Variants in TRAK1 observed in about 807,000 individuals in gnomAD.
The protein encoded by TRAK1 is trafficking kinesin protein 1.
A neutral mutation model predicts 92.1 loss-of-function variants in TRAK1; 33 were observed. The observed-to-expected ratio is 0.36, with a 90% CI of 0.27 to 0.48. The LOEUF is 0.48. Among genes scored for constraint, TRAK1 ranks in the 20% least tolerant of loss-of-function variants. The probability of loss-of-function intolerance (pLI) is 0.99; values close to 1 mark genes in which losing one functional copy is unlikely to be tolerated. For synonymous variants in TRAK1, 521 were observed against 517.3 expected (o/e 1.01, Z -0.10); for missense variants, 1,123 against 1,257.9 (o/e 0.89, Z 1.62).
chr3:42,085,088 G>A (rs1352480119), upstream of TRAK1, among the ~76,000 whole-genome samples: 1 of 152,078 alleles, frequency 6.6e-6, no homozygotes, highest in African/African-American at 2.4e-5. Flanking sequence ...GCTCATTGGA[G>A]CATTTCAGAT....
At chr3:42,101,319 C>A (rs1189913592) in intron 1 of TRAK1, among the ~76,000 whole-genome samples, 1 of 152,190 alleles carries the variant, frequency 6.6e-6, no homozygotes, top group African/African-American at 2.4e-5. Flanking sequence ...CCATATTGGG[C>A]AAATAGTGAA....
At chr3:42,197,268 C>A (rs1706861330) in intron 10 of TRAK1, among the ~76,000 whole-genome samples, 1 of 151,980 alleles carries the variant, frequency 6.6e-6, no homozygotes, top group Admixed American at 6.6e-5. Flanking sequence ...CCTGCAGATA[C>A]CAAATCCTTC....
Position 42,091,465 on chromosome 3 carries a change from T to A in TRAK1, c.-5T>A, listed in dbSNP as rs760683923. The stretch of plus-strand genomic sequence containing the variant: ...CTGAAGTGCCTTTGGAGTTTATGTC[T>A]GCACATGGCATTGGTTTTTCAATTC... On this transcript the variant is annotated 5_prime_UTR_variant, in exon 1 of 16. Coordinates refer to ENST00000327628, the MANE Select transcript of TRAK1 (RefSeq NM_001042646.3). 1.2e-6 allele frequency: 2 copies of A among 1,613,472 alleles called. No homozygotes were observed. The highest frequency in any genetic ancestry group is 2.2e-5 in the South Asian group (2 of 90,874).
chr3:42,123,934 G>A (rs1301589035), intron 1 of TRAK1, among the ~76,000 whole-genome samples: 2 of 152,096 alleles, frequency 1.3e-5, no homozygotes, highest in Non-Finnish European at 2.9e-5. Context: ...CGTGAGCCCA[G>A]GAGTTCGAGA....
intron 2 of TRAK1, among the ~76,000 whole-genome samples, chr3:42,140,907 G>A (rs940490529): frequency 3.3e-5 from 5 of 152,184 alleles, no homozygotes; most frequent in African/African-American, 7.2e-5. Flanking sequence ...TTGGGACCTC[G>A]GAGGGCTCTG....
chr3:42,119,068 T>A (rs1015589675), intron 1 of TRAK1, among the ~76,000 whole-genome samples: 2 of 152,230 alleles, frequency 1.3e-5, no homozygotes, highest in Non-Finnish European at 2.9e-5. Flanking sequence ...TCCATCACTC[T>A]TCTCACACTT....
Position 42,199,208 on chromosome 3 carries a change from T to C in TRAK1, c.1145T>C (p.Met382Thr). The C allele has an allele frequency of 6.2e-7, 1 of 1,613,806 alleles. No individual in the cohort carries two copies. Among genetic ancestry groups the C allele is most frequent in the Non-Finnish European group, 8.5e-7 (1 of 1,180,020 alleles). ...TTGGCAGCAGAGATTGAGGGAACGA[T>C]GCGCAAGGAGCTGCAGTTGGAAGAG... ...DSLAAEIEGT[M>T]RKELQLEEAE... Residue 382 changes from methionine (M) to threonine (T), a missense_variant, in exon 11 of 16, where the codon ATG becomes ACG. Met to Thr is a moderately conservative substitution (Grantham distance 81). This residue lies in a region of TRAK1 where 686 missense variants were observed against 747.6 expected (regional missense o/e 0.92). Coordinates refer to ENST00000327628, the MANE Select transcript of TRAK1 (RefSeq NM_001042646.3).
At chr3:42,109,745 A>C (rs1057033296) in intron 1 of TRAK1, among the ~76,000 whole-genome samples, 4 of 152,154 alleles carry the variant, frequency 2.6e-5, no homozygotes, top group Non-Finnish European at 5.9e-5. Context: ...AATGTGGCAC[A>C]TATACACCAT....
At chr3:42,110,023 C>T (rs1016870946) in intron 1 of TRAK1, among the ~76,000 whole-genome samples, 2 of 141,442 alleles carry the variant, frequency 1.4e-5, no homozygotes, top group African/African-American at 5.1e-5. Flanking sequence ...ATGGGTGCAG[C>T]ACACCAACAT....
upstream of TRAK1, among the ~76,000 whole-genome samples, chr3:42,084,891 T>A (rs537730465): frequency 3.9e-5 from 6 of 152,266 alleles, no homozygotes; most frequent in East Asian, 1.2e-3. Context: ...TTGTTAACTT[T>A]CTTTTCTCAC....
Position 42,193,905 on chromosome 3 carries a change from A to T in TRAK1, c.975+7A>T. 6.2e-7 allele frequency: 1 copy of T among 1,613,000 alleles called. No homozygotes were observed. Among genetic ancestry groups the T allele is most frequent in the Non-Finnish European group, 8.5e-7 (1 of 1,179,444 alleles). On this transcript the variant is annotated splice_region_variant and intron_variant, in intron 9 of 15. Coordinates refer to ENST00000327628, the MANE Select transcript of TRAK1 (RefSeq NM_001042646.3). ...GCGGCAGCTCACAGCCGAGGTGAGC[A>T]CCTCTCCCTCATTCCTTCAGTGCCT...
rs539445620 is a variant in TRAK1, at chr3:42,117,608, A to G, written c.92-7812A>G. 2.6e-5 allele frequency among the ~76,000 whole-genome samples: 4 copies of G among 151,906 alleles called. No homozygotes were observed. The East Asian group carries it at 7.8e-4, about 30-fold the overall frequency. ...GACAGCTCTTCTGCACACTCTGCTCACCTTGCAGCTACTCAGGTCCCTGTT... is the reference window on the plus strand; with the variant it reads ...GACAGCTCTTCTGCACACTCTGCTCGCCTTGCAGCTACTCAGGTCCCTGTT... On this transcript the variant is annotated intron_variant, in intron 1 of 15. Coordinates refer to ENST00000327628, the MANE Select transcript of TRAK1 (RefSeq NM_001042646.3).
intron 2 of TRAK1, among the ~76,000 whole-genome samples, chr3:42,172,090 A>G (rs1702639445): frequency 6.6e-6 from 1 of 152,086 alleles, no homozygotes; most frequent in Non-Finnish European, 1.5e-5. Flanking sequence ...TTGGCATCCC[A>G]AGAAGAAGGA....
At chr3:42,212,120 A>G in intron 14 of TRAK1, 1 of 985,428 alleles carries the variant, frequency 1.0e-6, no homozygotes, top group Non-Finnish European at 1.2e-6. Context: ...GCATATCGCT[A>G]AGTAAATCAT....
intron 1 of TRAK1, among the ~76,000 whole-genome samples, chr3:42,065,464 T>A (rs1703637549): frequency 6.6e-6 from 1 of 151,930 alleles, no homozygotes; most frequent in South Asian, 2.1e-4. Flanking sequence ...TGCTCAAAAG[T>A]TTTGGATTTT....
At chr3:42,197,482 G>A (rs1706919981) in intron 10 of TRAK1, among the ~76,000 whole-genome samples, 1 of 151,956 alleles carries the variant, frequency 6.6e-6, no homozygotes, top group Admixed American at 6.6e-5. Context: ...TCTAAGATTA[G>A]TTGAATCTGA....
intron 1 of TRAK1, among the ~76,000 whole-genome samples, chr3:42,031,921 A>G (rs776508701): frequency 1.3e-5 from 2 of 152,046 alleles, no homozygotes; most frequent in Non-Finnish European, 2.9e-5. Context: ...GCTCACCTCA[A>G]CAATCTGAGA....
At chr3:42,121,481 G>A (rs537484911) in intron 1 of TRAK1, among the ~76,000 whole-genome samples, 174 of 151,960 alleles carry the variant, frequency 1.1e-3, no homozygotes, top group African/African-American at 3.1e-3. Flanking sequence ...GGATGGTCTC[G>A]ATCTCCTGAC....
intron 1 of TRAK1, among the ~76,000 whole-genome samples, chr3:42,123,646 C>T (rs1161373629): frequency 1.3e-5 from 2 of 152,136 alleles, no homozygotes; most frequent in Non-Finnish European, 2.9e-5. Context: ...ACTTTTGGTT[C>T]GTCCTCAGCA....
Sources: gnomAD v4.1 joint callset for allele counts (sites outside exome capture counted in the v4.1 genomes callset) on GRCh38, gnomAD v4.1.1 for gene constraint, gnomAD v4.1.1 regional missense constraint, MANE v1.5 for transcripts, NCBI Gene and HGNC (gene_info 2026-07-23, HGNC 2026-07-21) for gene names.